MCTP1: variants seen among roughly 807,000 people sequenced by gnomAD.
MCTP1 encodes multiple C2 and transmembrane domain containing 1, also known as multiple C2 and transmembrane domain-containing protein 1.
Under a neutral mutation model 120.6 loss-of-function variants are expected in MCTP1, and 69 were observed. That is an observed-to-expected ratio of 0.57 (90% confidence interval 0.47 to 0.70). The LOEUF (loss-of-function observed/expected upper bound fraction) is 0.70, where lower values mean the gene tolerates loss of function less well. Ranked by LOEUF, MCTP1 falls within the 30% of genes least tolerant of loss-of-function variation. The probability of loss-of-function intolerance (pLI) is 0.00; values close to 1 mark genes in which losing one functional copy is unlikely to be tolerated. For synonymous variants in MCTP1, 529 were observed against 493.1 expected, an observed-to-expected ratio of 1.07 and a Z score of -0.96; for missense variants, 1,203 against 1,248.8, an observed-to-expected ratio of 0.96 and a Z score of 0.55.
At chr5:95,204,888 A>G (rs1046600928) in intron 1 of MCTP1, among the ~76,000 whole-genome samples, 1 of 152,138 alleles carries the variant, frequency 6.6e-6, no homozygotes, top group Non-Finnish European at 1.5e-5. Flanking sequence ...TCCCATATTC[A>G]TGGATCAGAG....
At chr5:94,968,529 G>T (rs1248906773) in intron 2 of MCTP1, among the ~76,000 whole-genome samples, 1 of 152,092 alleles carries the variant, frequency 6.6e-6, no homozygotes, top group Non-Finnish European at 1.5e-5. Context: ...TATTGTAATA[G>T]AACTCCCAGG....
At chr5:94,952,171 C>CAAAAAAAAAAAAAAAAAAAA (rs57358026) in intron 3 of MCTP1, among the ~76,000 whole-genome samples, 6 of 87,890 alleles carry the variant, frequency 6.8e-5, no homozygotes, top group African/African-American at 9.0e-5. Flanking sequence ...GACTTTGTCG[C>CAAAAAAAAAAAAAAAAAAAA]AAAAAAAAAA....
chr5:94,867,735 T>C, intron 17 of MCTP1: 1 of 201,992 alleles, frequency 5.0e-6, no homozygotes, highest in Non-Finnish European at 9.9e-6. Context: ...TTTTAAATAA[T>C]CAAAGTAAAA....
At chr5:95,012,375 T>A (rs1375231695) in intron 2 of MCTP1, among the ~76,000 whole-genome samples, 1 of 152,144 alleles carries the variant, frequency 6.6e-6, no homozygotes, top group Admixed American at 6.6e-5. Context: ...CTGGAGTACA[T>A]ACATTTATGT....
At chr5:95,177,006 A>T (rs1582450143) in intron 1 of MCTP1, among the ~76,000 whole-genome samples, 1 of 151,858 alleles carries the variant, frequency 6.6e-6, no homozygotes, top group Non-Finnish European at 1.5e-5. Context: ...CTGGGACTAC[A>T]GGCGCCCGCC....
intron 1 of MCTP1, among the ~76,000 whole-genome samples, chr5:95,186,008 A>AAACC (rs1749165401): frequency 1.3e-5 from 2 of 151,980 alleles, no homozygotes; most frequent in Admixed American, 1.3e-4. Context: ...ACAAACAAAC[A>AAACC]AACAAAAAAC....
At chr5:94,868,704 A>C (rs1797277333) in intron 16 of MCTP1, among the ~76,000 whole-genome samples, 1 of 151,910 alleles carries the variant, frequency 6.6e-6, no homozygotes, top group African/African-American at 2.4e-5. Context: ...GCTCACAAGA[A>C]AAAAAAATTT....
chr5:95,147,419 T>A (rs1417432351), intron 1 of MCTP1, among the ~76,000 whole-genome samples: 1 of 152,234 alleles, frequency 6.6e-6, no homozygotes, highest in African/African-American at 2.4e-5. Flanking sequence ...TAGTTACACC[T>A]TCTTGTTGAG....
In MCTP1 at chr5:95,131,317, T is replaced by A. The variant is rs553232547; in HGVS notation, c.721-113833A>T. The stretch of plus-strand genomic sequence containing the variant: ...GCATGGGAGAAACACATTTGTTAAT[T>A]GTGTTTCAGGCTGAGCCCCTGAAAA... On this transcript the variant is annotated intron_variant, in intron 1 of 22. Coordinates refer to ENST00000515393, the MANE Select transcript of MCTP1 (RefSeq NM_024717.7). Among the ~76,000 whole-genome samples, 9 of 152,306 alleles carry A rather than the reference T, an allele frequency of 5.9e-5. No individual in the cohort carries two copies. In the South Asian group the frequency reaches 1.9e-3, roughly 32 times the overall value.
intron 1 of MCTP1, among the ~76,000 whole-genome samples, chr5:95,156,153 G>A (rs1281716779): frequency 1.3e-5 from 2 of 152,156 alleles, no homozygotes; most frequent in Non-Finnish European, 2.9e-5. Flanking sequence ...ACAGTGTGGT[G>A]GACACTTTGA....
intron 1 of MCTP1, among the ~76,000 whole-genome samples, chr5:95,086,439 G>A (rs1407181903): frequency 6.6e-6 from 1 of 152,178 alleles, no homozygotes; most frequent in Non-Finnish European, 1.5e-5. Flanking sequence ...AGTGTAATAA[G>A]ATGGAGTAAA....
chr5:95,277,667 A>G (rs1045433832), intron 1 of MCTP1, among the ~76,000 whole-genome samples: 3 of 152,206 alleles, frequency 2.0e-5, no homozygotes, highest in Non-Finnish European at 4.4e-5. Context: ...AAGGTGGTTC[A>G]GGCTTAAGCA....
At chr5:95,209,382 G>A (rs978277078) in intron 1 of MCTP1, among the ~76,000 whole-genome samples, 2 of 151,974 alleles carry the variant, frequency 1.3e-5, no homozygotes, top group African/African-American at 4.8e-5. Context: ...CCCTTTGCCT[G>A]GCCCCTCTCT....
chr5:94,826,442 C>A, intron 17 of MCTP1: 1 of 674,548 alleles, frequency 1.5e-6, no homozygotes, highest in Non-Finnish European at 2.8e-6. Context: ...AATTTGGGTT[C>A]TTCAGGAACA....
intron 1 of MCTP1, among the ~76,000 whole-genome samples, chr5:95,183,578 T>C (rs749123172): frequency 6.6e-6 from 1 of 152,020 alleles, no homozygotes; most frequent in Non-Finnish European, 1.5e-5. Flanking sequence ...ATCTGACATA[T>C]TGTATATCCA....
chr5:95,231,897 G>T (rs1754992470), intron 1 of MCTP1, among the ~76,000 whole-genome samples: 1 of 152,124 alleles, frequency 6.6e-6, no homozygotes, highest in Non-Finnish European at 1.5e-5. Context: ...CTTGAAAGTA[G>T]ACTTTGATGG....
At chr5:94,806,915 T>C (rs1256938442) in intron 17 of MCTP1, among the ~76,000 whole-genome samples, 2 of 152,194 alleles carry the variant, frequency 1.3e-5, no homozygotes, top group Non-Finnish European at 2.9e-5. Flanking sequence ...AAAGGCCATC[T>C]CCTACAAAAC....
chr5:95,245,005 T>C (rs989917277), intron 1 of MCTP1, among the ~76,000 whole-genome samples: 18 of 152,174 alleles, frequency 1.2e-4, no homozygotes, highest in African/African-American at 4.3e-4. Flanking sequence ...TTAGCTGTTC[T>C]GCAGCCTCCA....
intron 2 of MCTP1, among the ~76,000 whole-genome samples, chr5:95,012,078 A>G (rs906665151): frequency 1.3e-5 from 2 of 152,102 alleles, no homozygotes; most frequent in African/African-American, 4.8e-5. Context: ...TTGTCATTAT[A>G]CCTTTGTTAC....
Sources: gnomAD v4.1 joint callset for allele counts (sites outside exome capture counted in the v4.1 genomes callset) on GRCh38, gnomAD v4.1.1 for gene constraint, MANE v1.5 for transcripts, NCBI Gene and HGNC (gene_info 2026-07-23, HGNC 2026-07-21) for gene names.